LRRK2: variants seen among roughly 807,000 people sequenced by gnomAD.
The protein encoded by LRRK2 is leucine rich repeat kinase 2.
In LRRK2, 203 loss-of-function variants were observed where a neutral mutation model predicts 302.6. The ratio of observed to expected loss-of-function variants is 0.67; its 90% confidence interval spans 0.60 to 0.75. LRRK2 has a LOEUF of 0.75. Ranked by LOEUF, LRRK2 falls within the 30% of genes least tolerant of loss-of-function variation. The probability of loss-of-function intolerance (pLI) is 0.00; values close to 1 mark genes in which losing one functional copy is unlikely to be tolerated. For synonymous variants in LRRK2, 1,066 were observed against 1,031.9 expected, an observed-to-expected ratio of 1.03 and a Z score of -0.63; for missense variants, 2,830 against 2,951.0, an observed-to-expected ratio of 0.96 and a Z score of 0.95.
chr12:40,249,520 T>TA (rs1942160424), intron 7 of LRRK2, among the ~76,000 whole-genome samples: 1 of 152,174 alleles, frequency 6.6e-6, no homozygotes, highest in Non-Finnish European at 1.5e-5. Flanking sequence ...ATGAATATTG[T>TA]CGTGCCGTGT....
chr12:40,339,762 T>G (rs12306060), intron 40 of LRRK2, among the ~76,000 whole-genome samples: 116,767 of 152,032 alleles, frequency 0.77, 45,694 homozygotes, highest in Non-Finnish European at 0.86. Flanking sequence ...GAAAATATTT[T>G]CCAAACATTG....
rs201271001 is a variant in LRRK2 at position 40,351,585 on chromosome 12, G to A, written c.6428G>A (p.Arg2143His). Reference sequence around the variant, plus strand: ...GCTGAATTAGTCTGTCTGACGAGACGCATTTTATTACCTAAAAACGTAATT... The same window carrying A: ...GCTGAATTAGTCTGTCTGACGAGACACATTTTATTACCTAAAAACGTAATT... ...NSAELVCLTR[R>H]ILLPKNVIVE... The change falls in exon 44 of 51, where the codon CGC becomes CAC. Residue 2143 changes from arginine to histidine, a missense_variant. Physicochemically the swap from Arg to His is conservative, Grantham distance 29. Transcript: ENST00000298910. 8.9e-5 allele frequency: 144 copies of A among 1,613,914 alleles called. No homozygotes were observed. The highest frequency in any genetic ancestry group is 1.1e-4 in the Non-Finnish European group (126 of 1,180,016).
chr12:40,229,673 A>G (rs1368407222), intron 2 of LRRK2, among the ~76,000 whole-genome samples: 1 of 152,244 alleles, frequency 6.6e-6, no homozygotes. Context: ...ATAATAAAGT[A>G]AAACTACCAA....
intron 25 of LRRK2, chr12:40,300,976 A>G (rs912697554): frequency 2.1e-5 from 10 of 470,064 alleles, no homozygotes; most frequent in African/African-American, 6.0e-5. Flanking sequence ...GAATCTCACA[A>G]TGATCCTAAT....
At position 40,315,215 on chromosome 12, in the gene LRRK2, T is replaced by C; in HGVS notation, c.4742T>C (p.Val1581Ala). 1 of 1,611,142 alleles carries C rather than the reference T, an allele frequency of 6.2e-7. No individual in the cohort carries two copies. The highest frequency in any genetic ancestry group is 1.3e-5 in the African/African-American group (1 of 74,844). ...HAVHFLNESGVLLHFQDPALQ... is the reference protein window; with the variant it reads ...HAVHFLNESGALLHFQDPALQ... ...GTTTGATGACTTTTTACTACAGGAG[T>C]CCTTCTTCATTTTCAAGACCCAGCA... Residue 1581 changes from valine to alanine, a missense_variant, in exon 33 of 51, where the codon GTC (valine) becomes GCC (alanine). Around this residue, in one of 3 missense-constraint regions of LRRK2, gnomAD observed 2,121 missense variants for 2,148.0 expected, o/e 0.99. Transcript: ENST00000298910.
intron 14 of LRRK2, 117 bp downstream of exon 14, chr12:40,264,018 A>G (rs1035723963): frequency 1.4e-6 from 1 of 728,818 alleles, no homozygotes; most frequent in South Asian, 1.6e-5. Flanking sequence ...GATAGGAGGA[A>G]GTCATGTGGT....
chr12:40,273,071 C>T (rs1250234866), intron 14 of LRRK2, among the ~76,000 whole-genome samples: 1 of 152,132 alleles, frequency 6.6e-6, no homozygotes, highest in Non-Finnish European at 1.5e-5. Flanking sequence ...CTTATAACAA[C>T]CCTACATTAT....
rs1454510278 is a variant in LRRK2, at chr12:40,321,948, C to T, written c.5171-87C>T. On this transcript the variant is annotated intron_variant, in intron 35 of 50. Coordinates refer to ENST00000298910, the MANE Select transcript of LRRK2 (RefSeq NM_198578.4). ...ATACTTTATTTCAAAATGAATAGAT[C>T]TGTATTACAATCACTTGTGTTGTGT... 3 of 1,284,986 alleles carry T rather than the reference C, an allele frequency of 2.3e-6. No individual in the cohort carries two copies. In the East Asian group the frequency reaches 7.0e-5, roughly 30 times the overall value. 79.6% of individuals were successfully genotyped at this position (1,284,986 alleles called of 1,614,324 possible).
intron 45 of LRRK2, among the ~76,000 whole-genome samples, chr12:40,355,304 C>G (rs890512660): frequency 6.6e-6 from 1 of 152,110 alleles, no homozygotes; most frequent in African/African-American, 2.4e-5. Context: ...AGAGATCAGA[C>G]TGAACTAAAC....
intron 43 of LRRK2, among the ~76,000 whole-genome samples, chr12:40,349,894 A>C (rs1360049082): frequency 6.6e-6 from 1 of 152,224 alleles, no homozygotes; most frequent in Non-Finnish European, 1.5e-5. Flanking sequence ...TGCTACATAC[A>C]GGTCTTGCAT....
At chr12:40,327,108 G>A (rs1945576911) in intron 38 of LRRK2, among the ~76,000 whole-genome samples, 1 of 152,170 alleles carries the variant, frequency 6.6e-6, no homozygotes, top group Non-Finnish European at 1.5e-5. Context: ...GGCACTATAT[G>A]AGAACCATAA....
chr12:40,330,022 A>G (rs1229986415), intron 39 of LRRK2, among the ~76,000 whole-genome samples: 1 of 152,244 alleles, frequency 6.6e-6, no homozygotes, highest in Non-Finnish European at 1.5e-5. Flanking sequence ...CATTCAGCAC[A>G]TGACTTACTG....
intron 46 of LRRK2, among the ~76,000 whole-genome samples, chr12:40,356,698 T>C (rs1014260783): frequency 1.3e-5 from 2 of 152,232 alleles, no homozygotes; most frequent in African/African-American, 2.4e-5. Context: ...AAAAGCTTAT[T>C]ATCTGATGAG....
intron 18 of LRRK2, among the ~76,000 whole-genome samples, chr12:40,281,079 A>C (rs1943676962): frequency 6.6e-6 from 1 of 151,646 alleles, no homozygotes; most frequent in Admixed American, 6.6e-5. Context: ...AAAAAAAAAA[A>C]AACAAAAAAC....
chr12:40,319,350 G>A (rs1283387901), intron 33 of LRRK2, among the ~76,000 whole-genome samples: 2 of 151,934 alleles, frequency 1.3e-5, no homozygotes, highest in Non-Finnish European at 2.9e-5. Context: ...TTTGAATCTG[G>A]GTTCTGACTG....
intron 10 of LRRK2, among the ~76,000 whole-genome samples, chr12:40,251,982 G>T (rs1473474394): frequency 6.6e-6 from 1 of 152,198 alleles, no homozygotes; most frequent in African/African-American, 2.4e-5. Context: ...TGATGTGACA[G>T]AGTTGACCTG....
chr12:40,255,034 C>T (rs1942440518), intron 11 of LRRK2, among the ~76,000 whole-genome samples: 4 of 151,982 alleles, frequency 2.6e-5, no homozygotes, highest in Non-Finnish European at 5.9e-5. Context: ...TCATGGAGGT[C>T]CCAAGGTTGC....
At chr12:40,231,619 G>A (rs1249035411) in intron 2 of LRRK2, among the ~76,000 whole-genome samples, 2 of 146,958 alleles carry the variant, frequency 1.4e-5, no homozygotes, top group East Asian at 3.9e-4. Flanking sequence ...CTAAGGATCT[G>A]GTATAGCCAT....
rs111655870 is a variant in LRRK2, at chr12:40,240,535, G to A, written c.624G>A (p.Leu208=). The A allele has an allele frequency of 6.2e-6, 10 of 1,613,154 alleles. No homozygotes were observed. In the East Asian group the frequency reaches 1.8e-4, roughly 29 times the overall value. ...EFVENKDYMI[L]LSALTNFKDE... ...TTGAGAACAAAGATTATATGATATT[G>A]TTAAGTGCGTTAACAAATTTTAAAG... is the stretch of plus-strand genomic sequence containing the variant. The change falls in exon 6 of 51, where the codon TTG becomes TTA. Residue 208 remains leucine (L), a synonymous_variant. Coordinates refer to ENST00000298910, the MANE Select transcript of LRRK2 (RefSeq NM_198578.4).
Sources: allele counts gnomAD v4.1 joint callset (sites outside exome capture counted in the v4.1 genomes callset), GRCh38; gene constraint gnomAD v4.1.1; regional missense constraint gnomAD v4.1.1; transcripts MANE v1.5; gene names NCBI Gene and HGNC (gene_info 2026-07-23, HGNC 2026-07-21).